The following POLE2 variants were observed in gnomAD, a reference collection of about 807,000 sequenced individuals.
POLE2 encodes the protein DNA polymerase epsilon 2, accessory subunit.
POLE2 carries 56 observed loss-of-function variants against 79.4 expected under a neutral mutation model. The observed-to-expected ratio is 0.71, with a 90% CI of 0.57 to 0.88. POLE2 has a LOEUF of 0.88. Ranked by LOEUF, POLE2 falls within the 40% of genes least tolerant of loss-of-function variation. POLE2 has a pLI of 0.00. For missense variants in POLE2, 598 were observed against 638.9 expected (o/e 0.94, Z 0.69); for synonymous variants, 212 against 214.0 (o/e 0.99, Z 0.08).
At chr14:49,645,371 C>T (rs1883690054) in intron 18 of POLE2, among the ~76,000 whole-genome samples, 1 of 152,188 alleles carries the variant, frequency 6.6e-6, no homozygotes, top group South Asian at 2.1e-4. Context: ...TATGATTTCA[C>T]AAATATTCTA....
intron 1 of POLE2, among the ~76,000 whole-genome samples, chr14:49,687,621 G>C (rs1261519405): frequency 6.6e-6 from 1 of 151,978 alleles, no homozygotes; most frequent in Non-Finnish European, 1.5e-5. Context: ...GAAGAGCCTC[G>C]GCCCGCCTAG....
At chr14:49,647,884 A>G (rs1883900597) in intron 17 of POLE2, among the ~76,000 whole-genome samples, 2 of 152,252 alleles carry the variant, frequency 1.3e-5, no homozygotes, top group Admixed American at 6.5e-5. Flanking sequence ...AGTTGTTACT[A>G]TAAAATATCT....
chr14:49,658,356 C>G (rs1350914908), intron 10 of POLE2, among the ~76,000 whole-genome samples: 1 of 151,816 alleles, frequency 6.6e-6, no homozygotes, highest in Non-Finnish European at 1.5e-5. Flanking sequence ...GATTACAGGC[C>G]TGAGCCACCG....
intron 6 of POLE2, among the ~76,000 whole-genome samples, chr14:49,668,590 T>A (rs1408351295): frequency 6.6e-6 from 1 of 152,178 alleles, no homozygotes; most frequent in Admixed American, 6.5e-5. Flanking sequence ...GAATGTGCCA[T>A]CACAGATACA....
intron 13 of POLE2, 190 bp from the exon 14 acceptor site, chr14:49,654,404 A>G (rs1288396163): frequency 1.8e-6 from 1 of 558,420 alleles, no homozygotes; most frequent in African/African-American, 1.9e-5. Flanking sequence ...AAAGTTCTAT[A>G]TCTGCACTGC....
chr14:49,686,017 C>T (rs545907824), intron 1 of POLE2, among the ~76,000 whole-genome samples: 2 of 152,260 alleles, frequency 1.3e-5, no homozygotes, highest in South Asian at 4.1e-4. Context: ...TTATCATAAA[C>T]TCTCATAGCC....
chr14:49,659,040 T>G (rs1343652676), intron 10 of POLE2, among the ~76,000 whole-genome samples: 1 of 152,194 alleles, frequency 6.6e-6, no homozygotes, highest in Non-Finnish European at 1.5e-5. Context: ...TGAAAAACAG[T>G]GATACTGATG....
intron 1 of POLE2, among the ~76,000 whole-genome samples, chr14:49,687,910 G>A (rs1467552996): frequency 6.6e-6 from 1 of 152,190 alleles, no homozygotes; most frequent in Non-Finnish European, 1.5e-5. Flanking sequence ...ATGTTGGCCA[G>A]GATGGTCTCG....
At chr14:49,666,918 C>T (rs1005342087) in intron 6 of POLE2, among the ~76,000 whole-genome samples, 3 of 152,080 alleles carry the variant, frequency 2.0e-5, no homozygotes, top group East Asian at 1.9e-4. Flanking sequence ...AAATCCTTTC[C>T]GGCCAGGTGC....
chr14:49,665,103 A>G lies in POLE2; in HGVS notation c.633+4T>C, dbSNP rs1415141232. On this transcript the variant is annotated splice_donor_region_variant and intron_variant, in intron 8 of 18. Transcript: ENST00000216367. ...TTTAAAAAATACAGACAAGTGAAGGATATAGCTTTACTAAGGTCTAGTTGG... is the reference window on the plus strand; with the variant it reads ...TTTAAAAAATACAGACAAGTGAAGGGTATAGCTTTACTAAGGTCTAGTTGG... 3.1e-6 allele frequency: 4 copies of G among 1,302,156 alleles called. No homozygotes were observed. Among genetic ancestry groups the G allele is most frequent in the Non-Finnish European group, 4.4e-6 (4 of 903,022 alleles). The allele number at this position is 1,302,156 out of a possible 1,614,324, so 80.7% of individuals were successfully genotyped here. A position where few individuals can be genotyped will look rare whatever the true frequency, so the allele number is the denominator to read the frequency against.
chr14:49,657,212 A>G (rs1271767397), intron 10 of POLE2, among the ~76,000 whole-genome samples: 1 of 152,132 alleles, frequency 6.6e-6, no homozygotes, highest in Non-Finnish European at 1.5e-5. Context: ...CTCAAAACAT[A>G]TTTCCTGAAT....
intron 14 of POLE2, 28 bp from the exon 15 acceptor site, chr14:49,654,095 T>A: frequency 6.3e-7 from 1 of 1,586,342 alleles, no homozygotes; most frequent in Non-Finnish European, 8.6e-7. Flanking sequence ...GTGATATAGT[T>A]TATCTTTTTA....
At chr14:49,683,867 T>C (rs1023646595) in intron 1 of POLE2, among the ~76,000 whole-genome samples, 174 bp from the exon 2 acceptor site, 1 of 152,248 alleles carries the variant, frequency 6.6e-6, no homozygotes, top group Admixed American at 6.5e-5. Context: ...CATCCTCCTA[T>C]GCCTTGCTAA....
At chr14:49,681,786 C>CAGTGA in intron 2 of POLE2, 1 of 146,954 alleles carries the variant, frequency 6.8e-6, no homozygotes, top group South Asian at 2.2e-4. Flanking sequence ...GGCGCCATTG[C>CAGTGA]ACTCCAGCCT....
intron 10 of POLE2, among the ~76,000 whole-genome samples, chr14:49,656,152 G>A (rs935698018): frequency 6.6e-6 from 1 of 151,954 alleles, no homozygotes; most frequent in African/African-American, 2.4e-5. Context: ...TCAGGAGATC[G>A]AGACCATCCT....
At chr14:49,661,523 C>G (rs1340254288) in intron 10 of POLE2, among the ~76,000 whole-genome samples, 1 of 152,098 alleles carries the variant, frequency 6.6e-6, no homozygotes, top group Non-Finnish European at 1.5e-5. Context: ...AATTAAACTT[C>G]AGAAAAGCCT....
At chr14:49,681,963 C>CCATCTTTT (rs2139690531) in intron 2 of POLE2, 1 of 152,328 alleles carries the variant, frequency 6.6e-6, no homozygotes, top group South Asian at 2.1e-4. Context: ...AAAAAAATGA[C>CCATCTTTT]CATCTTTTAT....
chr14:49,680,282 T>C (rs375150061), intron 2 of POLE2, among the ~76,000 whole-genome samples: 1 of 151,236 alleles, frequency 6.6e-6, no homozygotes, highest in African/African-American at 2.4e-5. Context: ...CCCAGGGAGG[T>C]GGAGGCTGCA....
chr14:49,675,065 G>A (rs562836106), intron 3 of POLE2, among the ~76,000 whole-genome samples: 1 of 151,734 alleles, frequency 6.6e-6, no homozygotes, highest in South Asian at 2.1e-4. Context: ...CTCCCTATAT[G>A]TACTACTCTT....
Sources: allele counts gnomAD v4.1 joint callset (sites outside exome capture counted in the v4.1 genomes callset), GRCh38; gene constraint gnomAD v4.1.1; transcripts MANE v1.5; gene names NCBI Gene and HGNC (gene_info 2026-07-23, HGNC 2026-07-21).